Variants in FRMPD4 observed in about 807,000 individuals in gnomAD.
FRMPD4 encodes FERM and PDZ domain-containing protein 4.
In FRMPD4, 22 loss-of-function variants were observed where a neutral mutation model predicts 94.1. The ratio of observed to expected loss-of-function variants is 0.23; its 90% CI spans 0.17 to 0.33. The LOEUF (loss-of-function observed/expected upper bound fraction) is 0.33, where lower values mean the gene tolerates loss of function less well. Among genes scored for constraint, FRMPD4 ranks in the 10% least tolerant of loss-of-function variants. The pLI, the probability that FRMPD4 is intolerant of heterozygous loss-of-function variation, is 1.00. For synonymous variants in FRMPD4, 631 were observed against 548.6 expected (o/e 1.15, Z -2.10); for missense variants, 1,111 against 1,339.9 (o/e 0.83, Z 2.67).
chrX:12,502,092 G>T, intron 2 of FRMPD4, among the ~76,000 whole-genome samples: 1 of 112,131 alleles, frequency 8.9e-6, no homozygotes, highest in Non-Finnish European at 1.9e-5. Context: ...GCCTGGGTCT[G>T]GGATTGAGCC....
chrX:11,849,868 G>A (rs1430981558), intron 1 of FRMPD4, among the ~76,000 whole-genome samples: 3 of 111,113 alleles, frequency 2.7e-5, no homozygotes, highest in Admixed American at 1.9e-4. Context: ...TTTGGATTTG[G>A]CAATGATTTC....
rs775457483 is a variant in FRMPD4, at chrX:12,107,490, G to A, written c.95+229472G>A. 1.3e-3 allele frequency among the ~76,000 whole-genome samples: 143 copies of A among 112,025 alleles called. 1 individual carries two copies. Among genetic ancestry groups the A allele is most frequent in the African/African-American group, 4.5e-3 (140 of 30,842 alleles). On this transcript the variant is annotated intron_variant, in intron 3 of 18. Coordinates refer to the FRMPD4 transcript ENST00000640291. ...AGCTGAAGATTGTAAAAATCAGAGC[G>A]CCTCTCCCCCTCCAAAGGAATGCAG...
chrX:12,488,497 C>A (rs1401114887), intron 1 of FRMPD4, among the ~76,000 whole-genome samples: 1 of 111,750 alleles, frequency 8.9e-6, no homozygotes, highest in African/African-American at 3.2e-5. Flanking sequence ...AATACCATTC[C>A]TCCAAATAGT....
At chrX:12,291,477 T>C (rs1362289242) in intron 1 of FRMPD4, among the ~76,000 whole-genome samples, 3 of 112,201 alleles carry the variant, frequency 2.7e-5, no homozygotes, top group Non-Finnish European at 5.6e-5. Context: ...TGCTAATTAC[T>C]CTTAAATCAT....
intron 1 of FRMPD4, among the ~76,000 whole-genome samples, chrX:12,281,693 T>A (rs1424005969): frequency 8.9e-6 from 1 of 112,047 alleles, no homozygotes; most frequent in Non-Finnish European, 1.9e-5. Flanking sequence ...ATATATATAT[T>A]TTCCAGCCTA....
chrX:12,264,251 T>C (rs935402338), intron 1 of FRMPD4, among the ~76,000 whole-genome samples: 24 of 111,777 alleles, frequency 2.1e-4, no homozygotes, highest in Non-Finnish European at 1.5e-4. Context: ...ATTGCTAATG[T>C]AGAATAGTAG....
At chrX:12,230,416 G>A (rs1211403184) in intron 1 of FRMPD4, among the ~76,000 whole-genome samples, 2 of 111,547 alleles carry the variant, frequency 1.8e-5, no homozygotes, top group East Asian at 5.7e-4. Flanking sequence ...GGGCACATAA[G>A]CAGGAGGCAT....
intron 2 of FRMPD4, among the ~76,000 whole-genome samples, chrX:12,577,405 T>G (rs1239622129): frequency 9.1e-6 from 1 of 110,366 alleles, no homozygotes; most frequent in Non-Finnish European, 1.9e-5. Context: ...GAGGCTTCAT[T>G]TGAATTGGTG....
chrX:12,559,332 T>C (rs970551568), intron 2 of FRMPD4, among the ~76,000 whole-genome samples: 1 of 111,864 alleles, frequency 8.9e-6, no homozygotes, highest in Non-Finnish European at 1.9e-5. Context: ...GGCATGATCA[T>C]ACACTATGTA....
chrX:11,856,313 A>G (rs1355035126), intron 1 of FRMPD4, among the ~76,000 whole-genome samples: 2 of 111,977 alleles, frequency 1.8e-5, no homozygotes, highest in African/African-American at 6.5e-5. Context: ...TCAACAAAAT[A>G]CTGGAAAACT....
At chrX:11,839,553 AT>A (rs2053521456) in intron 1 of FRMPD4, among the ~76,000 whole-genome samples, 1 of 111,013 alleles carries the variant, frequency 9.0e-6, no homozygotes, top group African/African-American at 3.3e-5. Flanking sequence ...TTGTGTTTTA[AT>A]TTTTTAATTG....
chrX:12,193,817 A>G (rs2056528552), intron 1 of FRMPD4, among the ~76,000 whole-genome samples: 1 of 33,199 alleles, frequency 3.0e-5, no homozygotes, highest in Non-Finnish European at 4.7e-5. Context: ...GAAGGAAGGA[A>G]GGAAGGAAGG....
intron 7 of FRMPD4, among the ~76,000 whole-genome samples, chrX:12,687,918 T>A (rs2060041946): frequency 8.9e-6 from 1 of 111,978 alleles, no homozygotes; most frequent in Admixed American, 9.5e-5. Flanking sequence ...TTAGAGCTGA[T>A]ACCATATGGC....
At chrX:12,210,375 A>G (rs1406993641) in intron 1 of FRMPD4, among the ~76,000 whole-genome samples, 1 of 111,465 alleles carries the variant, frequency 9.0e-6, no homozygotes, top group Non-Finnish European at 1.9e-5. Flanking sequence ...AGCCAGCTTG[A>G]ATGAGCACAG....
intron 9 of FRMPD4, 39 bp from the exon 10 acceptor site, chrX:12,701,835 T>C (rs2060194222): frequency 8.3e-7 from 1 of 1,200,107 alleles, no homozygotes; most frequent in Non-Finnish European, 1.1e-6. Context: ...CTGCGGCCTA[T>C]TCTTTGACAA....
At chrX:12,085,741 C>A (rs1284020757) in intron 3 of FRMPD4, among the ~76,000 whole-genome samples, 3 of 107,361 alleles carry the variant, frequency 2.8e-5, no homozygotes, top group African/African-American at 1.0e-4. Context: ...GGGTGGTGTG[C>A]ACCTGTAGTC....
At chrX:12,520,421 A>T (rs963062683) in intron 2 of FRMPD4, among the ~76,000 whole-genome samples, 1 of 111,956 alleles carries the variant, frequency 8.9e-6, no homozygotes, top group Non-Finnish European at 1.9e-5. Context: ...AAAGTGAAAA[A>T]GTTCTGGAGA....
chrX:12,567,583 G>A (rs2058725311), intron 2 of FRMPD4, among the ~76,000 whole-genome samples: 1 of 112,266 alleles, frequency 8.9e-6, no homozygotes, highest in Non-Finnish European at 1.9e-5. Context: ...AAATGAGCAG[G>A]AATTGAAATA....
chrX:12,327,419 G>T (rs2055305494), intron 1 of FRMPD4, among the ~76,000 whole-genome samples: 1 of 112,130 alleles, frequency 8.9e-6, no homozygotes, highest in Non-Finnish European at 1.9e-5. Flanking sequence ...CCAAGTCAGA[G>T]TTGGTAATAT....
Sources: allele counts gnomAD v4.1 joint callset (sites outside exome capture counted in the v4.1 genomes callset), GRCh38; gene constraint gnomAD v4.1.1; transcripts MANE v1.5; gene names NCBI Gene and HGNC (gene_info 2026-07-23, HGNC 2026-07-21).